LRRC37A2: variants seen among roughly 807,000 people sequenced by gnomAD.
LRRC37A2 encodes the protein leucine rich repeat containing 37 member A2, also known as leucine-rich repeat-containing protein 37A2.
In LRRC37A2, 9 loss-of-function variants were observed where a neutral mutation model predicts 68.8. The ratio of observed to expected loss-of-function variants is 0.13; its 90% CI spans 0.08 to 0.23. The LOEUF is 0.23. Among genes scored for constraint, LRRC37A2 ranks in the 10% least tolerant of loss-of-function variants. The pLI, the probability that LRRC37A2 is intolerant of heterozygous loss-of-function variation, is 1.00. For synonymous variants in LRRC37A2, 63 were observed against 367.6 expected, an observed-to-expected ratio of 0.17 and a Z score of 9.48; for missense variants, 168 against 950.4, an observed-to-expected ratio of 0.18 and a Z score of 10.82.
At chr17:46,933,297 C>G in the LRRC37A2 span, 1 of 152,190 alleles carries the variant, frequency 6.6e-6, no homozygotes, top group Admixed American at 6.5e-5. Context: ...CCATATGGAG[C>G]TATAATACAT....
the LRRC37A2 span, among the ~76,000 whole-genome samples, chr17:46,492,292 T>C: frequency 6.6e-6 from 1 of 151,096 alleles, no homozygotes; most frequent in African/African-American, 2.5e-5. Context: ...GGTATTTTAA[T>C]TTTTTAGTTT....
chr17:46,840,011 C>CTTT, the LRRC37A2 span, among the ~76,000 whole-genome samples: 1 of 82,940 alleles, frequency 1.2e-5, no homozygotes, highest in East Asian at 7.3e-4. Flanking sequence ...TTCTTTCTTT[C>CTTT]TTTCTTTCTT....
At chr17:46,818,749 CA>C in the LRRC37A2 span, 1 of 767,662 alleles carries the variant, frequency 1.3e-6, no homozygotes, top group Non-Finnish European at 2.2e-6. Flanking sequence ...CTCCCGAGCC[CA>C]GCGCGGAGCA....
the LRRC37A2 span, among the ~76,000 whole-genome samples, chr17:46,959,919 G>A: frequency 7.6e-3 from 1,157 of 152,270 alleles, 11 homozygotes; most frequent in African/African-American, 0.027. Context: ...AGGAATTCAG[G>A]CTGGGCCCTG....
At chr17:46,720,949 T>A in the LRRC37A2 span, among the ~76,000 whole-genome samples, 1 of 152,206 alleles carries the variant, frequency 6.6e-6, no homozygotes, top group South Asian at 2.1e-4. Flanking sequence ...CCATTTGCAC[T>A]TGTGTAGACT....
the LRRC37A2 span, among the ~76,000 whole-genome samples, chr17:46,786,163 C>T: frequency 2.8e-5 from 4 of 144,922 alleles, no homozygotes; most frequent in East Asian, 6.2e-4. Flanking sequence ...AATTGTGGTC[C>T]GGGGCATGGA....
At chr17:46,989,537 TTGA>T in the LRRC37A2 span, among the ~76,000 whole-genome samples, 1 of 152,212 alleles carries the variant, frequency 6.6e-6, no homozygotes, top group African/African-American at 2.4e-5. Flanking sequence ...CTGCCTGACC[TTGA>T]TGATTAGCTC....
the LRRC37A2 span, among the ~76,000 whole-genome samples, chr17:46,962,722 T>A: frequency 6.6e-6 from 1 of 152,190 alleles, no homozygotes; most frequent in Non-Finnish European, 1.5e-5. Flanking sequence ...AGCCAAGTCC[T>A]TGAAGGTTGC....
intron 8 of LRRC37A2, among the ~76,000 whole-genome samples, chr17:46,541,315 G>C (rs1008453141): frequency 6.7e-6 from 1 of 149,918 alleles, no homozygotes; most frequent in African/African-American, 2.5e-5. Flanking sequence ...GCAGCGGCAT[G>C]ACCTAGGCTC....
the LRRC37A2 span, chr17:47,017,967 C>T: frequency 1.9e-5 from 29 of 1,534,856 alleles, no homozygotes; most frequent in Non-Finnish European, 2.5e-5. Context: ...TTCAATGCAG[C>T]AGGAGGCCCC....
At chr17:46,881,443 A>T in the LRRC37A2 span, among the ~76,000 whole-genome samples, 1 of 152,210 alleles carries the variant, frequency 6.6e-6, no homozygotes, top group African/African-American at 2.4e-5. Context: ...CAAGGTGGAC[A>T]CCCTTCTTCT....
chr17:46,678,658 T>G, the LRRC37A2 span, among the ~76,000 whole-genome samples: 1 of 97,042 alleles, frequency 1.0e-5, no homozygotes, highest in African/African-American at 4.1e-5. Context: ...AGAAATGATA[T>G]GAACCCTGAG....
At chr17:46,542,884 AG>A (rs1410452247) in intron 8 of LRRC37A2, among the ~76,000 whole-genome samples, 1 of 150,184 alleles carries the variant, frequency 6.7e-6, no homozygotes, top group East Asian at 2.0e-4. Flanking sequence ...TAGCATGGAA[AG>A]GGCCCTTCAT....
chr17:46,491,863 T>A, the LRRC37A2 span, among the ~76,000 whole-genome samples: 1 of 146,834 alleles, frequency 6.8e-6, no homozygotes, highest in Non-Finnish European at 1.5e-5. Flanking sequence ...TACAGTAGTG[T>A]ATATTCATAG....
chr17:46,866,402 G>C, the LRRC37A2 span, among the ~76,000 whole-genome samples: 6 of 151,976 alleles, frequency 3.9e-5, no homozygotes, highest in African/African-American at 1.5e-4. Context: ...ATGTGTGAGA[G>C]TGTGCATGAG....
At chr17:47,025,535 G>GT in the LRRC37A2 span, among the ~76,000 whole-genome samples, 6 of 152,114 alleles carry the variant, frequency 3.9e-5, no homozygotes, top group Admixed American at 2.6e-4. Flanking sequence ...AGCTAGAAAT[G>GT]TTTACCCTAA....
At position 46,516,302 on chromosome 17, in the gene LRRC37A2, CA is replaced by C. The variant is rs1159712527; in HGVS notation, c.2609+992del. 1.4e-4 allele frequency among the ~76,000 whole-genome samples: 9 copies of C among 63,196 alleles called. 1 individual carries two copies. The highest frequency in any genetic ancestry group is 2.7e-4 in the East Asian group (1 of 3,686). The allele number at this position is 63,196 out of a possible 152,430, so 41.5% of individuals were successfully genotyped here. On this transcript the variant is annotated intron_variant, in intron 2 of 14. Coordinates refer to ENST00000576629, the Ensembl canonical transcript of LRRC37A2. Reference sequence around the variant, plus strand: ...TGGGCGACAGAGCAAGACTCCATCTCAAAAAAAAAAATGATAGGAGGGAAGA... The same window carrying C: ...TGGGCGACAGAGCAAGACTCCATCTCAAAAAAAAAATGATAGGAGGGAAGA...
At chr17:46,714,505 C>T in the LRRC37A2 span, among the ~76,000 whole-genome samples, 12 of 152,278 alleles carry the variant, frequency 7.9e-5, no homozygotes, top group East Asian at 3.9e-4. Context: ...AAGTGCCACT[C>T]GTCACCTTCT....
chr17:46,497,070 T>TA, the LRRC37A2 span, among the ~76,000 whole-genome samples: 1 of 132,792 alleles, frequency 7.5e-6, no homozygotes, highest in South Asian at 2.5e-4. Context: ...TTTTAATTTG[T>TA]AAAAATAGAG....
Sources: gnomAD v4.1 joint callset for allele counts (sites outside exome capture counted in the v4.1 genomes callset) on GRCh38, gnomAD v4.1.1 for gene constraint, MANE v1.5 for transcripts, NCBI Gene and HGNC (gene_info 2026-07-23, HGNC 2026-07-21) for gene names.